ADAMTS18: variants seen among roughly 807,000 people sequenced by gnomAD.
ADAMTS18 encodes ADAM metallopeptidase with thrombospondin type 1 motif 18.
A neutral mutation model predicts 165.9 loss-of-function variants in ADAMTS18; 157 were observed. That is an observed-to-expected ratio of 0.95 (90% CI 0.83 to 1.08). The LOEUF is 1.08. Ranked by LOEUF, ADAMTS18 falls within the 50% of genes least tolerant of loss-of-function variation. The probability of loss-of-function intolerance (pLI) is 0.00; values close to 1 mark genes in which losing one functional copy is unlikely to be tolerated. For missense variants in ADAMTS18, 2,040 were observed against 1,534.0 expected, an observed-to-expected ratio of 1.33 and a Z score of -5.51; for synonymous variants, 782 against 578.2, an observed-to-expected ratio of 1.35 and a Z score of -5.06.
intron 3 of ADAMTS18, among the ~76,000 whole-genome samples, chr16:77,392,572 A>G (rs2057202848): frequency 6.6e-6 from 1 of 151,348 alleles, no homozygotes; most frequent in Non-Finnish European, 1.5e-5. Context: ...ATTACACTTT[A>G]CCCCCAACAG....
chr16:77,388,987 T>C (rs1341725373), intron 3 of ADAMTS18, among the ~76,000 whole-genome samples: 2 of 152,176 alleles, frequency 1.3e-5, no homozygotes, highest in Non-Finnish European at 2.9e-5. Context: ...GAATCACTGA[T>C]GTGATTAAGT....
intron 3 of ADAMTS18, among the ~76,000 whole-genome samples, chr16:77,395,032 A>G (rs1597219754): frequency 1.3e-5 from 2 of 152,162 alleles, no homozygotes; most frequent in Non-Finnish European, 2.9e-5. Context: ...TAGTGGGACT[A>G]TGGATGATCT....
In ADAMTS18 at chr16:77,289,384, G is replaced by C. The variant is rs766249235; in HGVS notation, c.3430C>G (p.Gln1144Glu). The part of the protein sequence containing the change: ...QCTVTCGGGV[Q>E]TRSVHCVQQG... Reference sequence around the variant, plus strand: ...TGAACACAGTGGACTGACCGGGTCTGGACCCCTCCCCCACAGGTGACTGTG... The same window carrying C: ...TGAACACAGTGGACTGACCGGGTCTCGACCCCTCCCCCACAGGTGACTGTG... Residue 1144 changes from glutamine to glutamate, a missense_variant, in exon 22 of 23, where the codon CAG becomes GAG. Transcript: ENST00000282849. 1 of 1,614,086 alleles carries C rather than the reference G, an allele frequency of 6.2e-7. No homozygotes were observed. Among genetic ancestry groups the C allele is most frequent in the South Asian group, 1.1e-5 (1 of 91,072 alleles).
chr16:77,322,521 G>T (rs1427677774), intron 13 of ADAMTS18, 55 bp from the exon 14 acceptor site: 3 of 1,587,550 alleles, frequency 1.9e-6, no homozygotes, highest in Admixed American at 1.7e-5. Context: ...AAGGAAAAAT[G>T]ATAGGATTGT....
chr16:77,370,547 T>G (rs1176230133), intron 3 of ADAMTS18, among the ~76,000 whole-genome samples: 1 of 152,074 alleles, frequency 6.6e-6, no homozygotes, highest in African/African-American at 2.4e-5. Flanking sequence ...GTCAGGAGTC[T>G]GAGACCAGCC....
intron 7 of ADAMTS18, 118 bp downstream of exon 7, chr16:77,361,987 T>C (rs2144731690): frequency 2.5e-6 from 3 of 1,197,644 alleles, no homozygotes; most frequent in East Asian, 5.0e-5. Context: ...GGTTACTCCA[T>C]AATTTAAATA....
At chr16:77,394,466 T>C (rs2057230808) in intron 3 of ADAMTS18, among the ~76,000 whole-genome samples, 1 of 152,148 alleles carries the variant, frequency 6.6e-6, no homozygotes, top group South Asian at 2.1e-4. Context: ...AGAAAAATGT[T>C]AGTTATTAGT....
At chr16:77,341,908 CA>C in intron 10 of ADAMTS18, 109 bp from the exon 11 acceptor site, 1 of 888,774 alleles carries the variant, frequency 1.1e-6, no homozygotes, top group Non-Finnish European at 1.8e-6. Flanking sequence ...GAAATCAGAG[CA>C]ATTATTCAGA....
intron 16 of ADAMTS18, among the ~76,000 whole-genome samples, chr16:77,305,732 C>T (rs1443524146): frequency 6.6e-6 from 1 of 152,198 alleles, no homozygotes; most frequent in Non-Finnish European, 1.5e-5. Context: ...TCAGCACGTG[C>T]TTTAGTGTGT....
In ADAMTS18 at chr16:77,289,350, C is replaced by T. The variant is rs139912144; in HGVS notation, c.3464G>A (p.Arg1155Gln). Reference protein sequence around the residue: ...TRSVHCVQQGRPSSSCLLHQK... With the variant: ...TRSVHCVQQGQPSSSCLLHQK... ...ATGGAGCAGACAACTTGAGGAAGGCCGGCCTTGCTGAACACAGTGGACTGA... is the reference window on the plus strand; with the variant it reads ...ATGGAGCAGACAACTTGAGGAAGGCTGGCCTTGCTGAACACAGTGGACTGA... The change falls in exon 22 of 23, where the codon CGG becomes CAG. Residue 1155 changes from arginine to glutamine, a missense_variant. Coordinates refer to ENST00000282849, the MANE Select transcript of ADAMTS18 (RefSeq NM_199355.4). The T allele has an allele frequency of 3.0e-5, 48 of 1,613,964 alleles. No homozygotes were observed. The African/African-American group carries it at 4.5e-4, about 15-fold the overall frequency.
chr16:77,424,095 G>C (rs766987658), intron 3 of ADAMTS18, among the ~76,000 whole-genome samples: 1 of 152,172 alleles, frequency 6.6e-6, no homozygotes, highest in Non-Finnish European at 1.5e-5. Flanking sequence ...AGAAAACCAA[G>C]GCCCAGAGAC....
At chr16:77,402,245 T>C (rs1258880197) in intron 3 of ADAMTS18, among the ~76,000 whole-genome samples, 1 of 152,180 alleles carries the variant, frequency 6.6e-6, no homozygotes, top group African/African-American at 2.4e-5. Context: ...ATTTCCTAAG[T>C]TTCCTGCTGC....
chr16:77,411,242 G>A (rs910784164), intron 3 of ADAMTS18, among the ~76,000 whole-genome samples: 5 of 152,104 alleles, frequency 3.3e-5, no homozygotes, highest in Admixed American at 1.3e-4. Flanking sequence ...CACATGGCTG[G>A]CTCCCTGACA....
Position 77,293,175 on chromosome 16 carries a change from C to G in ADAMTS18, c.3090G>C (p.Gln1030His). The change falls in exon 20 of 23, where the codon CAG (glutamine) becomes CAC (histidine). Residue 1030 changes from glutamine (Q) to histidine (H), a missense_variant. Gln to His is a conservative substitution (Grantham distance 24). Transcript: ENST00000282849. ...GSAAETLPES[Q>H]CTSLPRPELQ... ...GCTCAGGTCTGGGGAGACTGGTACACTGGCTCTCGGGGAGGGTTTCTGCGG... is the reference window on the plus strand; with the variant it reads ...GCTCAGGTCTGGGGAGACTGGTACAGTGGCTCTCGGGGAGGGTTTCTGCGG... 6 of 1,614,120 alleles carry G rather than the reference C, an allele frequency of 3.7e-6. No homozygotes were observed. Among genetic ancestry groups the G allele is most frequent in the Non-Finnish European group, 5.1e-6 (6 of 1,180,000 alleles).
intron 3 of ADAMTS18, among the ~76,000 whole-genome samples, chr16:77,423,751 T>C (rs1434483131): frequency 6.6e-6 from 1 of 152,102 alleles, no homozygotes; most frequent in East Asian, 1.9e-4. Flanking sequence ...TTTTATGTCT[T>C]CAGTTTATAA....
intron 3 of ADAMTS18, among the ~76,000 whole-genome samples, chr16:77,394,108 A>G (rs2057225988): frequency 6.6e-6 from 1 of 152,242 alleles, no homozygotes; most frequent in Admixed American, 6.5e-5. Flanking sequence ...CCTGGAATCC[A>G]TTAAACTTGA....
At chr16:77,351,354 T>C (rs915473642) in intron 10 of ADAMTS18, among the ~76,000 whole-genome samples, 2 of 152,174 alleles carry the variant, frequency 1.3e-5, no homozygotes, top group Non-Finnish European at 2.9e-5. Flanking sequence ...CTGCTTCCCA[T>C]GAAAGACCAT....
rs779800493 is a variant in ADAMTS18 at position 77,431,445 on chromosome 16, C to A, written c.345G>T (p.Ser115=). The change falls in exon 3 of 23, where the codon TCG becomes TCT. Residue 115 remains serine, a synonymous_variant. Coordinates refer to ENST00000282849, the MANE Select transcript of ADAMTS18 (RefSeq NM_199355.4). ...CAATAAAGTGACTGCTCAAAATCGC[C>A]GAGGGCTTAAGTTCTAAGTGCAGTT... The part of the protein sequence containing the change: ...GQELHLELKP[S]AILSSHFIVQ... 1 of 1,614,132 alleles carries A rather than the reference C, an allele frequency of 6.2e-7. No homozygotes were observed. Among genetic ancestry groups the A allele is most frequent in the Non-Finnish European group, 8.5e-7 (1 of 1,180,028 alleles).
intron 3 of ADAMTS18, among the ~76,000 whole-genome samples, chr16:77,405,248 A>C (rs1238797945): frequency 6.6e-6 from 1 of 152,202 alleles, no homozygotes. Flanking sequence ...ACTGCATTCA[A>C]AATTTTTCAA....
Sources: allele counts gnomAD v4.1 joint callset (sites outside exome capture counted in the v4.1 genomes callset), GRCh38; gene constraint gnomAD v4.1.1; transcripts MANE v1.5; gene names NCBI Gene and HGNC (gene_info 2026-07-23, HGNC 2026-07-21).